Variants in FUT8 observed in about 807,000 individuals in gnomAD.
FUT8 encodes fucosyltransferase 8, also known as alpha-(1,6)-fucosyltransferase.
In FUT8, 29 loss-of-function variants were observed where a neutral mutation model predicts 71.3. The observed-to-expected ratio is 0.41, with a 90% CI of 0.30 to 0.55. FUT8 has a LOEUF of 0.55. Among genes scored for constraint, FUT8 ranks in the 20% least tolerant of loss-of-function variants. The pLI, the probability that FUT8 is intolerant of heterozygous loss-of-function variation, is 0.34. For synonymous variants in FUT8, 254 were observed against 239.3 expected, an observed-to-expected ratio of 1.06 and a Z score of -0.57; for missense variants, 544 against 702.1, an observed-to-expected ratio of 0.77 and a Z score of 2.55.
At chr14:65,681,407 G>A (rs769200165) in intron 7 of FUT8, among the ~76,000 whole-genome samples, 12 of 152,066 alleles carry the variant, frequency 7.9e-5, no homozygotes, top group Non-Finnish European at 1.8e-4. Context: ...CCTTATTGTT[G>A]TTTATAACAA....
intron 3 of FUT8, among the ~76,000 whole-genome samples, chr14:65,587,452 T>A (rs1241070514): frequency 6.6e-6 from 1 of 152,216 alleles, no homozygotes; most frequent in African/African-American, 2.4e-5. Flanking sequence ...TATTTAGGAA[T>A]TAATATATTT....
At chr14:65,729,569 G>A (rs1013687263) in intron 9 of FUT8, among the ~76,000 whole-genome samples, 3 of 149,502 alleles carry the variant, frequency 2.0e-5, no homozygotes, top group Non-Finnish European at 4.4e-5. Context: ...AGGCTGGAGT[G>A]CAGTAGCACA....
At chr14:65,557,248 G>T (rs1294861770) in intron 2 of FUT8, among the ~76,000 whole-genome samples, 4 of 151,458 alleles carry the variant, frequency 2.6e-5, no homozygotes, top group African/African-American at 9.7e-5. Context: ...AATACTGAAA[G>T]AAATGAATCA....
chr14:65,476,407 A>G (rs1024296291), intron 2 of FUT8, among the ~76,000 whole-genome samples: 1 of 152,192 alleles, frequency 6.6e-6, no homozygotes, highest in African/African-American at 2.4e-5. Flanking sequence ...AAAAGATTGA[A>G]TTTGATGTTC....
intron 8 of FUT8, among the ~76,000 whole-genome samples, chr14:65,723,382 G>T (rs1895522589): frequency 6.6e-6 from 1 of 151,990 alleles, no homozygotes. Flanking sequence ...AGAAAACTGT[G>T]GAAGTCAGTG....
At chr14:65,712,659 G>C (rs912395338) in intron 7 of FUT8, among the ~76,000 whole-genome samples, 5 of 152,274 alleles carry the variant, frequency 3.3e-5, no homozygotes, top group Admixed American at 3.3e-4. Context: ...TGGTCAGGCT[G>C]ATCTCAAACT....
At chr14:65,645,258 T>C (rs1250307989) in intron 6 of FUT8, among the ~76,000 whole-genome samples, 5 of 152,204 alleles carry the variant, frequency 3.3e-5, no homozygotes, top group Non-Finnish European at 5.9e-5. Context: ...CAAGTTACAA[T>C]TGTATAAAGC....
chr14:65,509,462 A>G (rs1882191666), intron 2 of FUT8, among the ~76,000 whole-genome samples: 1 of 151,860 alleles, frequency 6.6e-6, no homozygotes, highest in Non-Finnish European at 1.5e-5. Flanking sequence ...TAAGAGTGTC[A>G]TTGGTATTTT....
chr14:65,651,802 C>G (rs1313163780), intron 6 of FUT8, among the ~76,000 whole-genome samples: 1 of 152,052 alleles, frequency 6.6e-6, no homozygotes, highest in Non-Finnish European at 1.5e-5. Context: ...AGAAATGGTG[C>G]ACTCAAATTT....
At chr14:65,650,857 A>C (rs369677321) in intron 6 of FUT8, among the ~76,000 whole-genome samples, 1 of 151,422 alleles carries the variant, frequency 6.6e-6, no homozygotes, top group Admixed American at 6.6e-5. Flanking sequence ...GAGAGGGGGG[A>C]AAAAAAAGCC....
At chr14:65,464,770 G>A (rs1455563588) in intron 2 of FUT8, among the ~76,000 whole-genome samples, 2 of 152,132 alleles carry the variant, frequency 1.3e-5, no homozygotes, top group Non-Finnish European at 2.9e-5. Flanking sequence ...CTGTGTTCAT[G>A]AAAGATATTG....
chr14:65,611,272 CA>C (rs1888961705), intron 3 of FUT8, among the ~76,000 whole-genome samples: 4 of 66,044 alleles, frequency 6.1e-5, no homozygotes, highest in Non-Finnish European at 5.5e-5. Flanking sequence ...CACACACACA[CA>C]CACACACACA....
intron 3 of FUT8, among the ~76,000 whole-genome samples, chr14:65,588,523 G>T (rs1016027268): frequency 5.3e-5 from 8 of 152,166 alleles, no homozygotes; most frequent in African/African-American, 1.4e-4. Flanking sequence ...AATATTTGAG[G>T]ATAGTGGCTG....
intron 2 of FUT8, among the ~76,000 whole-genome samples, chr14:65,521,955 T>C (rs562616729): frequency 1.3e-4 from 20 of 152,264 alleles, no homozygotes; most frequent in African/African-American, 3.9e-4. Context: ...TTTTGGATGT[T>C]ATGCATGAGA....
At chr14:65,478,578 G>C (rs1260679692) in intron 2 of FUT8, among the ~76,000 whole-genome samples, 1 of 152,112 alleles carries the variant, frequency 6.6e-6, no homozygotes, top group Non-Finnish European at 1.5e-5. Flanking sequence ...ACTAGAAATT[G>C]TCTTTGCAGT....
chr14:65,376,221 T>C, the FUT8 span, among the ~76,000 whole-genome samples: 1 of 152,330 alleles, frequency 6.6e-6, no homozygotes, highest in Middle Eastern at 3.4e-3. Flanking sequence ...CCATGATTAT[T>C]ATTCTAGCAA....
the FUT8 span, among the ~76,000 whole-genome samples, chr14:65,381,551 A>C: frequency 6.6e-6 from 1 of 152,204 alleles, no homozygotes; most frequent in Non-Finnish European, 1.5e-5. Context: ...GTCAGTAACT[A>C]TTCCGGGCCT....
At chr14:65,412,275 G>A (rs776399586), upstream of FUT8, 5 of 456,526 alleles carry the variant, frequency 1.1e-5, no homozygotes, top group Middle Eastern at 3.2e-4. Context: ...TGCAGGGGCT[G>A]AGCAGCAGCA....
At chr14:65,502,750 A>G (rs2066666586) in intron 2 of FUT8, among the ~76,000 whole-genome samples, 1 of 152,212 alleles carries the variant, frequency 6.6e-6, no homozygotes, top group Non-Finnish European at 1.5e-5. Context: ...CCAACCTCTG[A>G]AAAGATTATG....
Sources: gnomAD v4.1 joint callset for allele counts (sites outside exome capture counted in the v4.1 genomes callset) on GRCh38, gnomAD v4.1.1 for gene constraint, MANE v1.5 for transcripts, NCBI Gene and HGNC (gene_info 2026-07-23, HGNC 2026-07-21) for gene names.